The following HIGD1A variants were observed in gnomAD, a reference collection of about 807,000 sequenced individuals.
The protein encoded by HIGD1A is HIG1 domain family member 1A, mitochondrial.
HIGD1A carries 8 observed loss-of-function variants against 11.3 expected under a neutral mutation model. The observed-to-expected ratio is 0.71, with a 90% CI of 0.42 to 1.28. The LOEUF is 1.28. Ranked by LOEUF, HIGD1A falls within the 50% of genes most tolerant of loss-of-function variation. The pLI is 0.01. For synonymous variants in HIGD1A, 32 were observed against 38.4 expected (o/e 0.83, Z 0.62); for missense variants, 107 against 118.8 (o/e 0.90, Z 0.46).
intron 2 of HIGD1A, among the ~76,000 whole-genome samples, chr3:42,787,812 A>G (rs1050939140): frequency 8.6e-5 from 13 of 150,886 alleles, no homozygotes; most frequent in African/African-American, 2.9e-4. Context: ...ACCATTAAAT[A>G]AACTTACTTA....
chr3:42,795,115 T>C (rs576863145), intron 1 of HIGD1A, among the ~76,000 whole-genome samples: 84 of 152,198 alleles, frequency 5.5e-4, no homozygotes, highest in African/African-American at 2.0e-3. Flanking sequence ...TTGTATTCTT[T>C]AGTAGAGACA....
chr3:42,803,577 T>G, intron 1 of HIGD1A, among the ~76,000 whole-genome samples: 1 of 152,326 alleles, frequency 6.6e-6, no homozygotes, highest in East Asian at 1.9e-4. Flanking sequence ...TGTCACCGCT[T>G]CAACCTGTTA....
chr3:42,802,736 A>C (rs1345063819), intron 1 of HIGD1A, among the ~76,000 whole-genome samples: 2 of 152,236 alleles, frequency 1.3e-5, no homozygotes, highest in Non-Finnish European at 2.9e-5. Flanking sequence ...TGAGAGGGTT[A>C]TACGAATTGC....
chr3:42,789,183 G>A (rs1024592959), intron 2 of HIGD1A, among the ~76,000 whole-genome samples: 1 of 151,602 alleles, frequency 6.6e-6, no homozygotes, highest in Non-Finnish European at 1.5e-5. Context: ...TGGGATTACA[G>A]GAATGTGCCA....
intron 3 of HIGD1A, among the ~76,000 whole-genome samples, 180 bp from the exon 4 acceptor site, chr3:42,785,500 T>C (rs914251213): frequency 7.9e-5 from 12 of 152,236 alleles, no homozygotes; most frequent in Non-Finnish European, 1.5e-4. Context: ...TCTAAAACTC[T>C]TGTTACATAC....
intron 2 of HIGD1A, among the ~76,000 whole-genome samples, chr3:42,793,522 A>G (rs934189996): frequency 3.3e-5 from 5 of 152,232 alleles, no homozygotes; most frequent in Admixed American, 6.5e-5. Flanking sequence ...ACTTCATTCT[A>G]TATGTCTTTG....
intron 1 of HIGD1A, among the ~76,000 whole-genome samples, chr3:42,795,638 T>A (rs886187977): frequency 1.3e-5 from 2 of 152,044 alleles, no homozygotes; most frequent in African/African-American, 4.8e-5. Context: ...GGCTTCCTTT[T>A]AAAACTCTAC....
intron 2 of HIGD1A, among the ~76,000 whole-genome samples, chr3:42,792,939 G>A (rs1011974578): frequency 1.3e-5 from 2 of 150,484 alleles, no homozygotes; most frequent in Admixed American, 6.6e-5. Context: ...CCGATATCGC[G>A]CCACTGCACT....
At chr3:42,787,618 T>TAC (rs1343228654) in intron 2 of HIGD1A, among the ~76,000 whole-genome samples, 1 of 144,756 alleles carries the variant, frequency 6.9e-6, no homozygotes, top group African/African-American at 2.5e-5. Flanking sequence ...TATATATATA[T>TAC]ATAAATTTTT....
chr3:42,789,567 C>CA (rs10648823), intron 2 of HIGD1A, among the ~76,000 whole-genome samples: 36,557 of 140,252 alleles, frequency 0.26, 5,647 homozygotes, highest in East Asian at 0.68. Flanking sequence ...CATCCAAGAA[C>CA]AAAAAAAAAA....
At chr3:42,787,900 T>G (rs1575357911) in intron 2 of HIGD1A, among the ~76,000 whole-genome samples, 1 of 151,902 alleles carries the variant, frequency 6.6e-6, no homozygotes, top group African/African-American at 2.4e-5. Context: ...CTATGAAGCT[T>G]TGACAAAACC....
intron 2 of HIGD1A, among the ~76,000 whole-genome samples, chr3:42,788,586 A>C (rs2125924138): frequency 6.6e-6 from 1 of 152,294 alleles, no homozygotes; most frequent in Non-Finnish European, 1.5e-5. Context: ...AAACAAAATT[A>C]AGATAACATA....
intron 2 of HIGD1A, among the ~76,000 whole-genome samples, chr3:42,793,352 A>C (rs1420561195): frequency 2.6e-5 from 4 of 152,116 alleles, no homozygotes; most frequent in Non-Finnish European, 4.4e-5. Context: ...CACCTCAATA[A>C]AACCTGGTTA....
chr3:42,789,949 T>C (rs1328570987), intron 2 of HIGD1A, among the ~76,000 whole-genome samples: 2 of 152,068 alleles, frequency 1.3e-5, no homozygotes, highest in African/African-American at 2.4e-5. Flanking sequence ...CTTGAACTCC[T>C]AGGCTCAAGT....
intron 2 of HIGD1A, 71 bp from the exon 3 acceptor site, chr3:42,786,233 T>C: frequency 6.9e-7 from 1 of 1,448,306 alleles, no homozygotes; most frequent in Non-Finnish European, 9.6e-7. Context: ...TCAGTCAATG[T>C]ACATTCTATT....
chr3:42,792,514 G>GA (rs760620502), intron 2 of HIGD1A, among the ~76,000 whole-genome samples: 9 of 150,744 alleles, frequency 6.0e-5, no homozygotes, highest in Non-Finnish European at 8.8e-5. Flanking sequence ...TCTACTAAAA[G>GA]ATAGAAAAAA....
intron 1 of HIGD1A, 23 bp downstream of exon 1, chr3:42,804,413 G>A (rs1700609716): frequency 2.0e-6 from 1 of 510,716 alleles, no homozygotes; most frequent in Non-Finnish European, 3.5e-6. Flanking sequence ...CTGGCTCGCA[G>A]TCCCCCGGCT....
In HIGD1A at chr3:42,783,430, C is replaced by T. The variant is rs1700304628; in HGVS notation, c.*1841G>A. Among the ~76,000 whole-genome samples, 1 of 151,948 alleles carries T rather than the reference C, an allele frequency of 6.6e-6. No individual in the cohort carries two copies. Among genetic ancestry groups the T allele is most frequent in the East Asian group, 1.9e-4 (1 of 5,148 alleles). ...AAGCCAGGAGTTCAAGATCATCCAA[C>T]ATGGTGAAACCTCGCCTTTACTAAA... On this transcript the variant is annotated 3_prime_UTR_variant, in exon 4 of 4. Coordinates refer to ENST00000321331, the MANE Select transcript of HIGD1A (RefSeq NM_014056.4).
At chr3:42,789,397 G>A (rs1421754833) in intron 2 of HIGD1A, among the ~76,000 whole-genome samples, 1 of 151,964 alleles carries the variant, frequency 6.6e-6, no homozygotes, top group Non-Finnish European at 1.5e-5. Flanking sequence ...CAGGAGCAGT[G>A]GCTCATCCCT....
Sources: gnomAD v4.1 joint callset for allele counts (sites outside exome capture counted in the v4.1 genomes callset) on GRCh38, gnomAD v4.1.1 for gene constraint, MANE v1.5 for transcripts, NCBI Gene and HGNC (gene_info 2026-07-23, HGNC 2026-07-21) for gene names.